The following MYCBP2 variants were observed in gnomAD, a reference collection of about 807,000 sequenced individuals.
The protein encoded by MYCBP2 is E3 ubiquitin-protein ligase MYCBP2.
A neutral mutation model predicts 525.3 loss-of-function variants in MYCBP2; 120 were observed. That is an observed-to-expected ratio of 0.23 (90% CI 0.20 to 0.27). The LOEUF is 0.27. Ranked by LOEUF, MYCBP2 falls within the 10% of genes least tolerant of loss-of-function variation. The probability of loss-of-function intolerance (pLI) is 1.00; values close to 1 mark genes in which losing one functional copy is unlikely to be tolerated. For missense variants in MYCBP2, 4,149 were observed against 5,657.1 expected (o/e 0.73, Z 8.55); for synonymous variants, 1,894 against 1,955.8 (o/e 0.97, Z 0.83).
intron 17 of MYCBP2, among the ~76,000 whole-genome samples, chr13:77,233,850 T>C (rs1421004557): frequency 6.6e-6 from 1 of 150,532 alleles, no homozygotes; most frequent in East Asian, 2.0e-4. Flanking sequence ...TATAGATATA[T>C]GTATACACAC....
intron 55 of MYCBP2, chr13:77,118,457 G>A: frequency 1.3e-6 from 1 of 764,980 alleles, no homozygotes; most frequent in Non-Finnish European, 2.4e-6. Context: ...AGATTGGGTC[G>A]TGACTGAATG....
Position 77,121,533 on chromosome 13 carries a change from C to G in MYCBP2, c.8018-38G>C, listed in dbSNP as rs755530950. On this transcript the variant is annotated intron_variant, in intron 54 of 82. Coordinates refer to ENST00000544440, the MANE Select transcript of MYCBP2 (RefSeq NM_015057.5). ...CCATAGCTGTAACATTAGTTTCTTA[C>G]GTGCTATTCCCTATTCATACAACAA... The G allele has an allele frequency of 7.4e-6, 11 of 1,494,452 alleles. No homozygotes were observed. The South Asian group carries it at 1.6e-4, about 21-fold the overall frequency. The allele number at this position is 1,494,452 out of a possible 1,614,324, so 92.6% of individuals were successfully genotyped here. A position where few individuals can be genotyped will look rare whatever the true frequency, so the allele number is the denominator to read the frequency against.
chr13:77,052,920 G>A (rs979979771), intron 80 of MYCBP2, among the ~76,000 whole-genome samples: 1 of 152,136 alleles, frequency 6.6e-6, no homozygotes, highest in Non-Finnish European at 1.5e-5. Context: ...CTTGAGCTCA[G>A]GAGTTCAAGA....
chr13:77,071,227 A>G (rs1473765118), intron 68 of MYCBP2, among the ~76,000 whole-genome samples: 2 of 37,768 alleles, frequency 5.3e-5, no homozygotes, highest in South Asian at 7.5e-4. Context: ...ACATATGTAT[A>G]TATGTGTGTG....
intron 23 of MYCBP2, 151 bp from the exon 24 acceptor site, chr13:77,206,976 ACATAT>A: frequency 9.1e-6 from 5 of 547,962 alleles, no homozygotes; most frequent in Non-Finnish European, 1.4e-5. Context: ...TCTAAGCTAA[ACATAT>A]AAAAAAACTA....
At chr13:77,211,414 T>TTATTCACCTGAGAAATG in intron 22 of MYCBP2, 94 bp from the exon 23 acceptor site, 1 of 613,582 alleles carries the variant, frequency 1.6e-6, no homozygotes, top group Non-Finnish European at 2.3e-6. Context: ...ATTTCTCAGG[T>TTATTCACCTGAGAAATG]GAATAAGCAG....
At position 77,225,469 on chromosome 13, in the gene MYCBP2, C is replaced by A; in HGVS notation, c.2823G>T (p.Arg941=). 6.2e-7 allele frequency: 1 copy of A among 1,613,736 alleles called. No homozygotes were observed. Among genetic ancestry groups the A allele is most frequent in the Non-Finnish European group, 8.5e-7 (1 of 1,179,798 alleles). The change falls in exon 19 of 83, where the codon CGG becomes CGT. Residue 941 remains arginine (R), a synonymous_variant. Coordinates refer to ENST00000544440, the MANE Select transcript of MYCBP2 (RefSeq NM_015057.5). Reference sequence around the variant, plus strand: ...GAAATCCACAGCTGACTTGGACTGCCCGGAGCTCACAGTCAAATCGCACAG... The same window carrying A: ...GAAATCCACAGCTGACTTGGACTGCACGGAGCTCACAGTCAAATCGCACAG... ...PGSVRFDCEL[R]AVQVSCGFHH... is the part of the protein sequence containing the mutation.
At position 77,276,213 on chromosome 13, in the gene MYCBP2, T is replaced by C. The variant is rs1041272971; in HGVS notation, c.748+2545A>G. 2.6e-5 allele frequency among the ~76,000 whole-genome samples: 4 copies of C among 152,262 alleles called. No homozygotes were observed. In the South Asian group the frequency reaches 6.2e-4, roughly 24 times the overall value. The stretch of plus-strand genomic sequence containing the variant: ...GGATATAAGGAAATATATTTTTAAA[T>C]AGATAATTTAAAAATCAAAATCTAT... On this transcript the variant is annotated intron_variant, in intron 4 of 82. Coordinates refer to ENST00000544440, the MANE Select transcript of MYCBP2 (RefSeq NM_015057.5).
At chr13:77,101,133 C>T (rs1204186342) in intron 55 of MYCBP2, among the ~76,000 whole-genome samples, 1 of 152,028 alleles carries the variant, frequency 6.6e-6, no homozygotes, top group African/African-American at 2.4e-5. Context: ...CCTTTATCAT[C>T]ACATTTATTT....
intron 1 of MYCBP2, among the ~76,000 whole-genome samples, chr13:77,303,530 T>C (rs1359441198): frequency 1.3e-5 from 2 of 151,790 alleles, no homozygotes; most frequent in Non-Finnish European, 2.9e-5. Flanking sequence ...TCTCTGGTCA[T>C]GGAAAAATTA....
chr13:77,271,959 G>A lies in MYCBP2; in HGVS notation c.946-1421C>T, dbSNP rs117549404. On this transcript the variant is annotated intron_variant, in intron 5 of 82. Transcript: ENST00000544440. ...GCACTGCAAGCCATGTTAAGGTAAT[G>A]GGCTTTAATATGGAGTTTAGGCTAG... 4.4e-4 allele frequency among the ~76,000 whole-genome samples: 67 copies of A among 152,282 alleles called. No homozygotes were observed. In the East Asian group the frequency reaches 0.01, roughly 24 times the overall value.
chr13:77,168,387 C>T (rs2058761899), intron 40 of MYCBP2, 41 bp downstream of exon 40: 1 of 1,563,102 alleles, frequency 6.4e-7, no homozygotes, highest in Non-Finnish European at 8.8e-7. Flanking sequence ...GAACCTCATG[C>T]CAAGTTTTAC....
At chr13:77,321,084 T>C (rs936156121) in intron 1 of MYCBP2, among the ~76,000 whole-genome samples, 9 of 152,206 alleles carry the variant, frequency 5.9e-5, no homozygotes, top group Admixed American at 2.0e-4. Context: ...TTTTATTGTA[T>C]ATAAATTAAA....
At chr13:77,263,525 A>T in intron 10 of MYCBP2, 126 bp downstream of exon 10, 1 of 679,508 alleles carries the variant, frequency 1.5e-6, no homozygotes, top group Non-Finnish European at 2.4e-6. Context: ...CCTTTATATT[A>T]ATAGTAACAG....
intron 52 of MYCBP2, among the ~76,000 whole-genome samples, chr13:77,131,439 A>G (rs916479780): frequency 6.6e-6 from 1 of 151,790 alleles, no homozygotes; most frequent in Non-Finnish European, 1.5e-5. Context: ...GGACTCCTTG[A>G]GCCCAGAAGT....
intron 23 of MYCBP2, among the ~76,000 whole-genome samples, chr13:77,207,071 A>C (rs1381085355): frequency 6.6e-6 from 1 of 152,222 alleles, no homozygotes; most frequent in East Asian, 1.9e-4. Context: ...GTAGATTATA[A>C]TACTTGACTG....
intron 1 of MYCBP2, among the ~76,000 whole-genome samples, chr13:77,319,817 A>G (rs1385387490): frequency 6.6e-6 from 1 of 152,216 alleles, no homozygotes; most frequent in Non-Finnish European, 1.5e-5. Context: ...CCAGCCAGCC[A>G]GCCAATAATC....
intron 63 of MYCBP2, among the ~76,000 whole-genome samples, chr13:77,082,369 T>G (rs2043450508): frequency 6.6e-6 from 1 of 152,182 alleles, no homozygotes; most frequent in African/African-American, 2.4e-5. Context: ...GGGTATAGTT[T>G]ATCTTGTAGT....
intron 44 of MYCBP2, among the ~76,000 whole-genome samples, chr13:77,160,856 C>T (rs944775154): frequency 6.6e-6 from 1 of 152,102 alleles, no homozygotes; most frequent in African/African-American, 2.4e-5. Flanking sequence ...CCATCTGGGG[C>T]TATTAAAATG....
Sources: gnomAD v4.1 joint callset for allele counts (sites outside exome capture counted in the v4.1 genomes callset) on GRCh38, gnomAD v4.1.1 for gene constraint, MANE v1.5 for transcripts, NCBI Gene and HGNC (gene_info 2026-07-23, HGNC 2026-07-21) for gene names.